The following KAT5 variants were observed in gnomAD, a reference collection of about 807,000 sequenced individuals.
KAT5 encodes the protein histone acetyltransferase KAT5.
A neutral mutation model predicts 68.1 loss-of-function variants in KAT5; 31 were observed. That is an observed-to-expected ratio of 0.46 (90% CI 0.34 to 0.61). The LOEUF (loss-of-function observed/expected upper bound fraction) is 0.61, where lower values mean the gene tolerates loss of function less well. Among genes scored for constraint, KAT5 ranks in the 20% least tolerant of loss-of-function variants. The probability of loss-of-function intolerance (pLI) is 0.01; values close to 1 mark genes in which losing one functional copy is unlikely to be tolerated. For missense variants in KAT5, 451 were observed against 725.5 expected (o/e 0.62, Z 4.35); for synonymous variants, 365 against 292.6 (o/e 1.25, Z -2.52).
intron 10 of KAT5, 70 bp downstream of exon 10, chr11:65,717,052 C>T (rs1252035370): frequency 1.7e-6 from 2 of 1,199,230 alleles, no homozygotes; most frequent in Non-Finnish European, 2.5e-6. Flanking sequence ...ATGGGCCAGG[C>T]TACTGTGATT....
Position 65,713,066 on chromosome 11 carries a change from G to A in KAT5, c.384+8G>A. On this transcript the variant is annotated splice_region_variant and intron_variant, in intron 3 of 12. Coordinates refer to ENST00000341318, the MANE Select transcript of KAT5 (RefSeq NM_182710.3). ...TCTCCAGAGAGAGAGGTGGTGAGTA[G>A]GTCCCCCACTTCACCTTTTCTCTCC... The A allele has an allele frequency of 6.2e-7, 1 of 1,612,438 alleles. No individual in the cohort carries two copies. Among genetic ancestry groups the A allele is most frequent in the Non-Finnish European group, 8.5e-7 (1 of 1,179,934 alleles).
chr11:65,713,564 G>C, intron 4 of KAT5, 29 bp from the exon 5 acceptor site: 2 of 1,614,086 alleles, frequency 1.2e-6, no homozygotes, highest in Non-Finnish European at 1.7e-6. Flanking sequence ...TCTACCTTCT[G>C]ACCCACCTTT....
Position 65,715,669 on chromosome 11 carries a change from G to A in KAT5, c.1029+759G>A, listed in dbSNP as rs532136390. ...CCAGCTACTCGGGAGGCTGAGGCAGGAGAATGGCGTGAACCCAGGAGGCAG... is the reference window on the plus strand; with the variant it reads ...CCAGCTACTCGGGAGGCTGAGGCAGAAGAATGGCGTGAACCCAGGAGGCAG... On this transcript the variant is annotated intron_variant, in intron 8 of 12. Transcript: ENST00000341318. 1.6e-3 allele frequency among the ~76,000 whole-genome samples: 241 copies of A among 152,266 alleles called. 1 individual carries two copies. Among genetic ancestry groups the A allele is most frequent in the African/African-American group, 5.5e-3 (229 of 41,558 alleles).
rs538168126 is a variant in KAT5 at position 65,712,861 on chromosome 11, T to A, written c.247+27T>A. 11 of 1,614,102 alleles carry A rather than the reference T, an allele frequency of 6.8e-6. No homozygotes were observed. In the East Asian group the frequency reaches 2.5e-4, roughly 36 times the overall value. On this transcript the variant is annotated intron_variant, in intron 2 of 12. Coordinates refer to ENST00000341318, the MANE Select transcript of KAT5 (RefSeq NM_182710.3). The stretch of plus-strand genomic sequence containing the variant: ...TGAGTTCTGGGCCTGAGGTGGGGCA[T>A]CAGGGTAGGGTTGGGGGACAGTCTT...
chr11:65,719,032 A>G lies in KAT5; in HGVS notation c.1507-15A>G, dbSNP rs746073066. ...TGTGGGCTGACCACCTGCTGAACCCATCTCCTCTGCCCAGGGCCAGTACAT... is the reference window on the plus strand; with the variant it reads ...TGTGGGCTGACCACCTGCTGAACCCGTCTCCTCTGCCCAGGGCCAGTACAT... On this transcript the variant is annotated splice_polypyrimidine_tract_variant and intron_variant, in intron 12 of 12. Coordinates refer to ENST00000341318, the MANE Select transcript of KAT5 (RefSeq NM_182710.3). The G allele has an allele frequency of 8.7e-6, 14 of 1,614,026 alleles. No homozygotes were observed. The highest frequency in any genetic ancestry group is 1.3e-5 in the African/African-American group (1 of 75,028).
rs1454218459 is a variant in KAT5, at chr11:65,713,434, C to T, written c.471C>T (p.Ala157=). 2 of 1,614,056 alleles carry T rather than the reference C, an allele frequency of 1.2e-6. No individual in the cohort carries two copies. Among genetic ancestry groups the T allele is most frequent in the Non-Finnish European group, 1.7e-6 (2 of 1,180,030 alleles). The part of the protein sequence containing the change: ...LRFNLPKERE[A]IPGGEPDQPL... ...TCAACCTGCCCAAGGAGCGGGAGGC[C>T]ATTCCCGGTGGCGAGCCTGACCAGC... is the stretch of plus-strand genomic sequence containing the variant. The change falls in exon 4 of 13, where the codon GCC becomes GCT. Residue 157 remains alanine (A), a synonymous_variant. Transcript: ENST00000341318.
Position 65,714,075 on chromosome 11 carries a change from G to T in KAT5, c.690+227G>T. 1.1e-5 allele frequency: 6 copies of T among 564,654 alleles called. No homozygotes were observed. The South Asian group carries it at 1.3e-4, about 12-fold the overall frequency. 35.0% of individuals were successfully genotyped at this position (564,654 alleles called of 1,614,324 possible). A position where few individuals can be genotyped will look rare whatever the true frequency, so the allele number is the denominator to read the frequency against. ...TTTGGGAGTCCAACCAAGGCTGGTGGATCACCTGAGGTCAGGAGTTTGAGA... is the reference window on the plus strand; with the variant it reads ...TTTGGGAGTCCAACCAAGGCTGGTGTATCACCTGAGGTCAGGAGTTTGAGA... On this transcript the variant is annotated intron_variant, in intron 6 of 12. Coordinates refer to ENST00000341318, the MANE Select transcript of KAT5 (RefSeq NM_182710.3).
chr11:65,718,557 TCTTA>T, intron 10 of KAT5, 29 bp from the exon 11 acceptor site: 1 of 1,599,116 alleles, frequency 6.3e-7, no homozygotes, highest in Non-Finnish European at 8.5e-7. Flanking sequence ...ATCTGTGACC[TCTTA>T]CTCACCCTCT....
At position 65,712,701 on chromosome 11, in the gene KAT5, G is replaced by A. The variant is rs373204283; in HGVS notation, c.179-65G>A. ...GATCCGGCCTGGGGGTGGAGTTCAG[G>A]TCGTGGAAGGGTGGAGTCTCATAGC... On this transcript the variant is annotated intron_variant, in intron 1 of 12. Coordinates refer to ENST00000341318, the MANE Select transcript of KAT5 (RefSeq NM_182710.3). 2.2e-5 allele frequency: 35 copies of A among 1,573,726 alleles called. No homozygotes were observed. In the African/African-American group the frequency reaches 4.7e-4, roughly 21 times the overall value.
intron 10 of KAT5, chr11:65,718,290 G>C: frequency 3.4e-6 from 1 of 296,808 alleles, no homozygotes; most frequent in Non-Finnish European, 6.3e-6. Flanking sequence ...TTCTTCCCAT[G>C]AGCCATTTTC....
chr11:65,716,852 A>G, intron 9 of KAT5, 37 bp from the exon 10 acceptor site: 1 of 1,613,904 alleles, frequency 6.2e-7, no homozygotes, highest in Non-Finnish European at 8.5e-7. Context: ...CCTGAGCCAG[A>G]TCCCTTCCCT....
chr11:65,719,104 C>T lies in KAT5; in HGVS notation c.1564C>T (p.Leu522Phe), dbSNP rs555699888. ...CGTGGATGGCCATGAGCGGGCCATGCTCAAGCGGCTCCTGCGGATCGACTC... is the reference window on the plus strand; with the variant it reads ...CGTGGATGGCCATGAGCGGGCCATGTTCAAGCGGCTCCTGCGGATCGACTC... ...DIVDGHERAM[L>F]KRLLRIDSKC... The change falls in exon 13 of 13, where the codon CTC becomes TTC. Residue 522 changes from leucine to phenylalanine, a missense_variant. Around this residue, in one of 4 missense-constraint regions of KAT5, gnomAD observed 210 missense variants for 423.7 expected, o/e 0.50. Coordinates refer to ENST00000341318, the MANE Select transcript of KAT5 (RefSeq NM_182710.3). The T allele has an allele frequency of 2.5e-6, 4 of 1,614,218 alleles. No homozygotes were observed. Among genetic ancestry groups the T allele is most frequent in the Non-Finnish European group, 3.4e-6 (4 of 1,180,038 alleles).
At chr11:65,717,783 G>A (rs1288821181) in intron 10 of KAT5, 1 of 152,550 alleles carries the variant, frequency 6.6e-6, no homozygotes, top group Non-Finnish European at 1.5e-5. Context: ...ACTCAGTCTT[G>A]GAACTCAGAC....
chr11:65,714,770 T>C (rs751843208), intron 7 of KAT5, 27 bp downstream of exon 7: 2 of 1,614,060 alleles, frequency 1.2e-6, no homozygotes, highest in Non-Finnish European at 1.7e-6. Flanking sequence ...GAGGCTGCCT[T>C]CCCAGCACCC....
At chr11:65,715,005 T>C (rs1215869757) in intron 8 of KAT5, 95 bp downstream of exon 8, 3 of 1,075,544 alleles carry the variant, frequency 2.8e-6, no homozygotes, top group African/African-American at 3.1e-5. Flanking sequence ...AGCAGATCAG[T>C]CCAGCCCATT....
chr11:65,715,725 C>T (rs554837782), intron 8 of KAT5, among the ~76,000 whole-genome samples: 19 of 151,830 alleles, frequency 1.3e-4, no homozygotes, highest in Middle Eastern at 3.4e-3. Flanking sequence ...TGCACCACTG[C>T]ATTCCAGCCT....
At chr11:65,712,487 A>C (rs765651272) in intron 1 of KAT5, 42 bp downstream of exon 1, 8 of 1,269,600 alleles carry the variant, frequency 6.3e-6, no homozygotes, top group Non-Finnish European at 3.2e-6. Context: ...CCTGAGGGCG[A>C]GGGGCGGGAG....
upstream of KAT5, chr11:65,712,204 G>C: frequency 7.3e-7 from 1 of 1,374,082 alleles, no homozygotes; most frequent in Non-Finnish European, 9.4e-7. Context: ...CGGGCCCACA[G>C]GGCGCTCGGT....
intron 6 of KAT5, 111 bp from the exon 7 acceptor site, chr11:65,714,384 C>T (rs891301118): frequency 8.2e-7 from 1 of 1,225,122 alleles, no homozygotes; most frequent in Non-Finnish European, 1.1e-6. Context: ...CATGGTACCT[C>T]CCCCTTAGGG....
Sources: gnomAD v4.1 joint callset for allele counts (sites outside exome capture counted in the v4.1 genomes callset) on GRCh38, gnomAD v4.1.1 for gene constraint, gnomAD v4.1.1 regional missense constraint, MANE v1.5 for transcripts, NCBI Gene and HGNC (gene_info 2026-07-23, HGNC 2026-07-21) for gene names.